MYO16: variants seen among roughly 807,000 people sequenced by gnomAD.
MYO16 encodes unconventional myosin-XVI.
MYO16 carries 94 observed loss-of-function variants against 205.3 expected under a neutral mutation model. The ratio of observed to expected loss-of-function variants is 0.46; its 90% confidence interval spans 0.39 to 0.54. MYO16 has a LOEUF of 0.54. Ranked by LOEUF, MYO16 falls within the 20% of genes least tolerant of loss-of-function variation. The pLI, the probability that MYO16 is intolerant of heterozygous loss-of-function variation, is 0.00. For synonymous variants in MYO16, 988 were observed against 954.0 expected (o/e 1.04, Z -0.66); for missense variants, 2,315 against 2,387.5 (o/e 0.97, Z 0.63).
chr13:108,634,816 C>T (rs1203359950), intron 1 of MYO16, among the ~76,000 whole-genome samples: 2 of 152,156 alleles, frequency 1.3e-5, no homozygotes, highest in Non-Finnish European at 2.9e-5. Context: ...CTTCTTCGGG[C>T]GTGGCCCTAA....
At chr13:109,083,383 C>CAAAAAA (rs71125367) in intron 27 of MYO16, among the ~76,000 whole-genome samples, 2 of 52,296 alleles carry the variant, frequency 3.8e-5, no homozygotes, top group Admixed American at 3.6e-4. Context: ...AACTCCGTCT[C>CAAAAAA]AAAAAAAAAA....
the MYO16 span, among the ~76,000 whole-genome samples, chr13:108,517,629 G>T: frequency 2.0e-5 from 3 of 152,202 alleles, no homozygotes; most frequent in African/African-American, 7.2e-5. Context: ...CCAAGTTCAT[G>T]ATTTTACTTT....
intron 20 of MYO16, among the ~76,000 whole-genome samples, chr13:108,976,143 A>T (rs919677447): frequency 1.3e-5 from 2 of 152,180 alleles, no homozygotes; most frequent in South Asian, 4.1e-4. Flanking sequence ...AAACTGCAGA[A>T]TAATAAGAAA....
chr13:108,715,244 G>T lies in MYO16; in HGVS notation c.363+2513G>T, dbSNP rs1389535580. ...CTTGCCGGGTTTCCACCCAGCACATGCCTCTCAGATGTACACGGCTCGCTT... is the reference window on the plus strand; with the variant it reads ...CTTGCCGGGTTTCCACCCAGCACATTCCTCTCAGATGTACACGGCTCGCTT... On this transcript the variant is annotated intron_variant, in intron 3 of 34. Coordinates refer to ENST00000457511, the MANE Select transcript of MYO16 (RefSeq NM_001198950.3). 1.3e-5 allele frequency among the ~76,000 whole-genome samples: 2 copies of T among 152,146 alleles called. 1 individual carries two copies. Among genetic ancestry groups the T allele is most frequent in the South Asian group, 4.1e-4 (2 of 4,828 alleles).
chr13:108,989,342 T>C (rs942439810), intron 20 of MYO16, among the ~76,000 whole-genome samples: 2 of 152,190 alleles, frequency 1.3e-5, no homozygotes, highest in Non-Finnish European at 2.9e-5. Flanking sequence ...AAATATTTGC[T>C]GGTTATAAAA....
chr13:108,533,416 A>G, the MYO16 span, among the ~76,000 whole-genome samples: 10 of 152,350 alleles, frequency 6.6e-5, no homozygotes, highest in South Asian at 1.2e-3. Context: ...TGACCATCAT[A>G]TGATTAGGTT....
At chr13:108,848,601 G>T (rs1439289500) in intron 10 of MYO16, among the ~76,000 whole-genome samples, 1 of 152,128 alleles carries the variant, frequency 6.6e-6, no homozygotes, top group Non-Finnish European at 1.5e-5. Flanking sequence ...AGCAGTTCAA[G>T]ACCAGCCCGG....
intron 24 of MYO16, among the ~76,000 whole-genome samples, chr13:109,051,125 C>T (rs1887233244): frequency 6.6e-6 from 1 of 152,192 alleles, no homozygotes; most frequent in East Asian, 1.9e-4. Flanking sequence ...ATCTGTAACT[C>T]TGTATTAAGA....
chr13:108,764,318 C>T (rs1885710109), intron 4 of MYO16, among the ~76,000 whole-genome samples: 1 of 152,094 alleles, frequency 6.6e-6, no homozygotes, highest in Admixed American at 6.6e-5. Flanking sequence ...CAATGCGACA[C>T]ATTGAGAGAC....
At chr13:108,792,207 A>G (rs909149676) in intron 5 of MYO16, among the ~76,000 whole-genome samples, 1 of 152,172 alleles carries the variant, frequency 6.6e-6, no homozygotes, top group African/African-American at 2.4e-5. Flanking sequence ...TGCACCACCT[A>G]CCCACCTGGG....
At chr13:109,099,152 T>C (rs1888873166) in intron 27 of MYO16, among the ~76,000 whole-genome samples, 1 of 152,186 alleles carries the variant, frequency 6.6e-6, no homozygotes, top group Non-Finnish European at 1.5e-5. Context: ...ACCACTGCAC[T>C]GTATGTTCAT....
At chr13:108,915,505 T>A (rs1881459789) in intron 16 of MYO16, among the ~76,000 whole-genome samples, 1 of 152,240 alleles carries the variant, frequency 6.6e-6, no homozygotes, top group East Asian at 1.9e-4. Context: ...CACCAGCAGC[T>A]GTTTGTTTTA....
At chr13:108,895,168 G>A (rs1015337375) in intron 14 of MYO16, among the ~76,000 whole-genome samples, 4 of 151,516 alleles carry the variant, frequency 2.6e-5, no homozygotes, top group African/African-American at 9.7e-5. Flanking sequence ...GACTTATATA[G>A]GGACATAAAT....
chr13:109,132,924 TGA>T, intron 31 of MYO16, among the ~76,000 whole-genome samples: 2 of 152,040 alleles, frequency 1.3e-5, no homozygotes, highest in African/African-American at 4.8e-5. Context: ...AGTGAGGACG[TGA>T]TGGGTGCACA....
chr13:108,636,361 TTTTTTTTTTGTGTGTGTGTG>T (rs1347014662), intron 1 of MYO16, among the ~76,000 whole-genome samples: 1 of 95,432 alleles, frequency 1.0e-5, no homozygotes, highest in Non-Finnish European at 2.1e-5. Flanking sequence ...TTTTTTTTTT[TTTTTTTTTTGTGTGTGTGTG>T]TGTGTGTGTG....
In MYO16 at chr13:109,047,034, A is replaced by G. The variant is rs201335376; in HGVS notation, c.2872+43A>G. ...CCTGCCCTACACTGGTTAAAATGCC[A>G]TGCATCCGTTATTTCTTTATCTCTG... On this transcript the variant is annotated intron_variant, in intron 24 of 34. Transcript: ENST00000457511. The G allele has an allele frequency of 3.9e-4, 528 of 1,347,212 alleles. 3 individuals carry two copies. Among genetic ancestry groups the G allele is most frequent in the Non-Finnish European group, 4.1e-5 (39 of 945,004 alleles). 83.5% of individuals were successfully genotyped at this position (1,347,212 alleles called of 1,614,324 possible).
chr13:109,028,938 G>A (rs542702730), intron 23 of MYO16, among the ~76,000 whole-genome samples: 7 of 151,596 alleles, frequency 4.6e-5, no homozygotes, highest in South Asian at 4.2e-4. Context: ...TAAAAATAGC[G>A]TATCTCTATC....
At chr13:108,957,873 C>A in intron 17 of MYO16, 74 bp downstream of exon 17, 2 of 1,176,526 alleles carry the variant, frequency 1.7e-6, no homozygotes, top group Non-Finnish European at 2.5e-6. Flanking sequence ...CATTCAAAAG[C>A]ATTTACTGAG....
intron 31 of MYO16, among the ~76,000 whole-genome samples, chr13:109,133,669 G>C (rs1876641343): frequency 6.6e-6 from 1 of 152,078 alleles, no homozygotes; most frequent in Non-Finnish European, 1.5e-5. Context: ...CTGTGATCAT[G>C]GACTGTCTTC....
Sources: gnomAD v4.1 joint callset for allele counts (sites outside exome capture counted in the v4.1 genomes callset) on GRCh38, gnomAD v4.1.1 for gene constraint, MANE v1.5 for transcripts, NCBI Gene and HGNC (gene_info 2026-07-23, HGNC 2026-07-21) for gene names.